PCDH11Y: variants seen among roughly 807,000 people sequenced by gnomAD.
PCDH11Y encodes the protein protocadherin-11 Y-linked.
For synonymous variants in PCDH11Y, 9 were observed against 83.6 expected (o/e 0.11, Z 4.87); for missense variants, 12 against 224.8 (o/e 0.05, Z 6.05).
intron 4 of PCDH11Y, among the ~76,000 whole-genome samples, chrY:5,592,463 C>T: frequency 3.3e-5 from 1 of 30,347 alleles, no homozygotes; most frequent in Non-Finnish European, 7.9e-5. Context: ...GGTCTTGGTT[C>T]TTTATGCAAC....
At chrY:5,575,068 A>G in intron 3 of PCDH11Y, among the ~76,000 whole-genome samples, 1 of 33,777 alleles carries the variant, frequency 3.0e-5, no homozygotes, top group Non-Finnish European at 7.3e-5. Context: ...CTAAGACCTT[A>G]AACTATGAAA....
At chrY:5,326,809 G>T in intron 2 of PCDH11Y, among the ~76,000 whole-genome samples, 1 of 32,958 alleles carries the variant, frequency 3.0e-5, no homozygotes, top group Non-Finnish European at 7.4e-5. Context: ...GAGAAATGTA[G>T]AGAGTGAGTT....
At chrY:5,491,314 A>C in intron 2 of PCDH11Y, among the ~76,000 whole-genome samples, 1 of 32,552 alleles carries the variant, frequency 3.1e-5, no homozygotes, top group Non-Finnish European at 7.6e-5. Flanking sequence ...TCCCGTCTCA[A>C]GCCCATAAAA....
intron 2 of PCDH11Y, among the ~76,000 whole-genome samples, chrY:5,134,288 A>G: frequency 9.1e-5 from 3 of 32,914 alleles, no homozygotes; most frequent in Non-Finnish European, 2.2e-4. Flanking sequence ...ATATCATACC[A>G]TCTGCAAACA....
At chrY:5,265,055 C>T (rs2124658631) in intron 2 of PCDH11Y, among the ~76,000 whole-genome samples, 1 of 32,611 alleles carries the variant, frequency 3.1e-5, no homozygotes, top group Non-Finnish European at 7.5e-5. Flanking sequence ...GTCCTCCAGT[C>T]GCTGTTGTTT....
intron 2 of PCDH11Y, among the ~76,000 whole-genome samples, chrY:5,163,487 G>A (rs2052876420): frequency 3.0e-5 from 1 of 32,950 alleles, no homozygotes; most frequent in African/African-American, 1.2e-4. Context: ...TGTGTGCCCT[G>A]CCTAAACCTA....
At chrY:5,533,475 C>G in intron 3 of PCDH11Y, among the ~76,000 whole-genome samples, 1 of 33,585 alleles carries the variant, frequency 3.0e-5, no homozygotes, top group East Asian at 7.8e-4. Context: ...ATTCATCTTT[C>G]TCTTACTTTA....
At chrY:5,305,831 C>A in intron 2 of PCDH11Y, among the ~76,000 whole-genome samples, 1 of 31,694 alleles carries the variant, frequency 3.2e-5, no homozygotes, top group Non-Finnish European at 7.6e-5. Context: ...ACTAAAGAGT[C>A]CCCCTCATAT....
At chrY:5,425,148 T>C in intron 2 of PCDH11Y, among the ~76,000 whole-genome samples, 2 of 33,561 alleles carry the variant, frequency 6.0e-5, no homozygotes, top group Admixed American at 5.5e-4. Context: ...TTCGTAAATG[T>C]AGCGCATTGT....
chrY:5,619,607 A>T, intron 4 of PCDH11Y, among the ~76,000 whole-genome samples: 1 of 32,531 alleles, frequency 3.1e-5, no homozygotes, highest in Admixed American at 2.9e-4. Flanking sequence ...CTTTTAGGAA[A>T]CACAGCAAAA....
chrY:5,709,419 C>G, intron 4 of PCDH11Y, among the ~76,000 whole-genome samples: 3 of 33,041 alleles, frequency 9.1e-5, no homozygotes, highest in Admixed American at 8.2e-4. Context: ...TTTGGGGGCT[C>G]ATCTGGGATC....
At chrY:5,132,901 T>C (rs1276305776) in intron 2 of PCDH11Y, among the ~76,000 whole-genome samples, 2,792 of 32,773 alleles carry the variant, frequency 0.085, no homozygotes, top group East Asian at 0.052. Context: ...CACTAAACTA[T>C]AAATATAATT....
At chrY:5,270,927 C>G (rs2562940) in intron 2 of PCDH11Y, among the ~76,000 whole-genome samples, 10 of 32,823 alleles carry the variant, frequency 3.0e-4, no homozygotes, top group African/African-American at 1.2e-3. Context: ...GTAATAGACT[C>G]TCTATGAAAA....
At chrY:5,129,660 T>C (rs2124641023) in intron 2 of PCDH11Y, among the ~76,000 whole-genome samples, 1 of 32,370 alleles carries the variant, frequency 3.1e-5, no homozygotes, top group African/African-American at 1.2e-4. Flanking sequence ...AGTTATTTCT[T>C]TAACAGTTTT....
At chrY:5,728,771 C>T (rs2053600946) in intron 4 of PCDH11Y, among the ~76,000 whole-genome samples, 1 of 32,336 alleles carries the variant, frequency 3.1e-5, no homozygotes, top group Admixed American at 2.9e-4. Context: ...TCAACGCTTT[C>T]TCCCCTCTCT....
At chrY:5,439,524 T>A in intron 2 of PCDH11Y, among the ~76,000 whole-genome samples, 1 of 33,190 alleles carries the variant, frequency 3.0e-5, no homozygotes. Context: ...TAAGTGACAA[T>A]CAAACATAAT....
intron 3 of PCDH11Y, among the ~76,000 whole-genome samples, chrY:5,538,190 A>C: frequency 2.4e-4 from 8 of 33,618 alleles, no homozygotes; most frequent in African/African-American, 9.3e-4. Flanking sequence ...CATTATCAGC[A>C]TAAAAAAAGA....
At chrY:5,043,177 A>C (rs1602844871) in intron 3 of PCDH11Y, among the ~76,000 whole-genome samples, 1 of 32,529 alleles carries the variant, frequency 3.1e-5, no homozygotes, top group Non-Finnish European at 7.5e-5. Context: ...GAGGGCATCC[A>C]TGTCTTGTGC....
At chrY:5,116,229 A>G in intron 2 of PCDH11Y, among the ~76,000 whole-genome samples, 1 of 33,998 alleles carries the variant, frequency 2.9e-5, no homozygotes, top group African/African-American at 1.2e-4. Flanking sequence ...AGACATTTCC[A>G]TGGTACATGT....
Sources: gnomAD v4.1 joint callset for allele counts (sites outside exome capture counted in the v4.1 genomes callset) on GRCh38, gnomAD v4.1.1 for gene constraint, MANE v1.5 for transcripts, NCBI Gene and HGNC (gene_info 2026-07-23, HGNC 2026-07-21) for gene names.